Variants in ZFHX3 observed in about 807,000 individuals in gnomAD.
ZFHX3 encodes the protein zinc finger homeobox 3, also known as zinc finger homeobox protein 3.
A neutral mutation model predicts 279.1 loss-of-function variants in ZFHX3; 42 were observed. The observed-to-expected ratio is 0.15, with a 90% CI of 0.12 to 0.19. The LOEUF (loss-of-function observed/expected upper bound fraction) is 0.19. ZFHX3 is among the 10% of genes least tolerant of loss of function. The probability of loss-of-function intolerance (pLI) is 1.00; values close to 1 mark genes in which losing one functional copy is unlikely to be tolerated. For synonymous variants in ZFHX3, 2,293 were observed against 1,957.8 expected (o/e 1.17, Z -4.52); for missense variants, 4,981 against 4,754.0 (o/e 1.05, Z -1.40).
At chr16:73,764,534 T>C (rs1415987221) in intron 1 of ZFHX3, among the ~76,000 whole-genome samples, 1 of 152,152 alleles carries the variant, frequency 6.6e-6, no homozygotes, top group Non-Finnish European at 1.5e-5. Context: ...TCAGCGGCTC[T>C]GTAAACTGAT....
intron 2 of ZFHX3, among the ~76,000 whole-genome samples, chr16:73,581,576 T>A (rs181169337): frequency 6.6e-6 from 1 of 151,646 alleles, no homozygotes; most frequent in Non-Finnish European, 1.5e-5. Flanking sequence ...TAAATAGTTA[T>A]TAATTCTATT....
At chr16:73,313,285 T>C (rs2015370255) in intron 4 of ZFHX3, among the ~76,000 whole-genome samples, 1 of 152,216 alleles carries the variant, frequency 6.6e-6, no homozygotes, top group Non-Finnish European at 1.5e-5. Flanking sequence ...TAAACCTTTT[T>C]TTCCTTATAA....
intron 2 of ZFHX3, among the ~76,000 whole-genome samples, chr16:73,665,538 G>C (rs1468101563): frequency 6.6e-6 from 1 of 151,744 alleles, no homozygotes; most frequent in Non-Finnish European, 1.5e-5. Flanking sequence ...TTAAGAAGAG[G>C]ATGCTGAGAC....
At position 72,978,199 on chromosome 16, in the gene ZFHX3, G is replaced by C. The variant is rs934185768; in HGVS notation, c.-49-18005C>G. The stretch of plus-strand genomic sequence containing the variant: ...TTTTCTTTCTAAGGAACTCTTTCCC[G>C]AGCATTCACGACCCAGCCCTTTCTG... On this transcript the variant is annotated intron_variant, in intron 1 of 9. Transcript: ENST00000268489. 4.6e-5 allele frequency among the ~76,000 whole-genome samples: 7 copies of C among 152,228 alleles called. No individual in the cohort carries two copies. The South Asian group carries it at 1.5e-3, about 32-fold the overall frequency.
rs145114200 is a variant in ZFHX3 at position 73,077,307 on chromosome 16, A to G, written c.-533+15928T>C. Reference sequence around the variant, plus strand: ...GACAGGACTTGTTCTGTCAAGTGATATAAGTTCCCAACACTGCATTCACTA... The same window carrying G: ...GACAGGACTTGTTCTGTCAAGTGATGTAAGTTCCCAACACTGCATTCACTA... On this transcript the variant is annotated intron_variant, in intron 8 of 17. Coordinates refer to the ZFHX3 transcript ENST00000641206. Among the ~76,000 whole-genome samples, 17 of 152,342 alleles carry G rather than the reference A, an allele frequency of 1.1e-4. 1 individual carries two copies. The East Asian group carries it at 1.7e-3, about 16-fold the overall frequency.
chr16:73,002,923 C>A (rs1047900418), intron 1 of ZFHX3, among the ~76,000 whole-genome samples: 3 of 152,146 alleles, frequency 2.0e-5, no homozygotes, highest in Admixed American at 1.3e-4. Context: ...TTAAAAGTAG[C>A]CTGTACTTCT....
At chr16:73,478,692 G>A (rs2018812147) in intron 2 of ZFHX3, among the ~76,000 whole-genome samples, 1 of 152,144 alleles carries the variant, frequency 6.6e-6, no homozygotes. Flanking sequence ...GCAAATATCT[G>A]ATAGGGTGTC....
intron 1 of ZFHX3, among the ~76,000 whole-genome samples, chr16:73,840,224 G>A (rs762315803): frequency 3.9e-5 from 6 of 152,132 alleles, no homozygotes; most frequent in Non-Finnish European, 5.9e-5. Context: ...AAGATGGGGA[G>A]AAAGGAAAAC....
intron 1 of ZFHX3, among the ~76,000 whole-genome samples, chr16:73,778,739 G>T (rs2142300664): frequency 6.6e-6 from 1 of 152,298 alleles, no homozygotes; most frequent in South Asian, 2.1e-4. Context: ...AGTTTCTTCT[G>T]ATGAAAATAC....
intron 1 of ZFHX3, among the ~76,000 whole-genome samples, chr16:72,962,717 C>G (rs1486129878): frequency 6.6e-6 from 1 of 152,126 alleles, no homozygotes; most frequent in African/African-American, 2.4e-5. Flanking sequence ...TCCTCAGGGA[C>G]CATGCATTAA....
In ZFHX3 at chr16:73,285,471, T is replaced by C. The variant is rs2014572892; in HGVS notation, c.-1193-28335A>G. Among the ~76,000 whole-genome samples the C allele has an allele frequency of 2.0e-5, 3 of 152,180 alleles. No individual in the cohort carries two copies. In the South Asian group the frequency reaches 6.2e-4, roughly 31 times the overall value. ...CAAAATTCATACTCTGGGTTGACAT[T>C]TAGCCCTTAACACACCATGACAGCA... On this transcript the variant is annotated intron_variant, in intron 4 of 17. Coordinates refer to the ZFHX3 transcript ENST00000641206.
chr16:73,621,392 T>G (rs1273973089), intron 2 of ZFHX3, among the ~76,000 whole-genome samples: 2 of 152,204 alleles, frequency 1.3e-5, no homozygotes, highest in Non-Finnish European at 2.9e-5. Context: ...CATATGGTCT[T>G]TCCCTCCAGC....
intron 1 of ZFHX3, among the ~76,000 whole-genome samples, chr16:73,818,633 C>A (rs898389808): frequency 2.6e-5 from 4 of 152,172 alleles, no homozygotes; most frequent in African/African-American, 7.2e-5. Flanking sequence ...AAGGATTTAT[C>A]TGGGGTCCCT....
Position 73,027,658 on chromosome 16 carries a change from C to T in ZFHX3, c.-50+20094G>A, listed in dbSNP as rs140158804. Among the ~76,000 whole-genome samples, 110 of 152,230 alleles carry T rather than the reference C, an allele frequency of 7.2e-4. 1 individual carries two copies. In the Middle Eastern group the frequency reaches 0.01, roughly 14 times the overall value. On this transcript the variant is annotated intron_variant, in intron 1 of 9. Coordinates refer to ENST00000268489, the MANE Select transcript of ZFHX3 (RefSeq NM_006885.4). The stretch of plus-strand genomic sequence containing the variant: ...AGGGAAAATGACACCCTCTATCCTC[C>T]CCACTGCCCCCACCACCAAGAAGGA...
At chr16:73,338,213 C>A (rs989654137) in intron 3 of ZFHX3, among the ~76,000 whole-genome samples, 4 of 152,140 alleles carry the variant, frequency 2.6e-5, no homozygotes, top group African/African-American at 9.7e-5. Flanking sequence ...CTCAGCCCTG[C>A]CTAGCAATCC....
At chr16:73,507,162 G>A (rs532739238) in intron 2 of ZFHX3, among the ~76,000 whole-genome samples, 1 of 152,238 alleles carries the variant, frequency 6.6e-6, no homozygotes, top group South Asian at 2.1e-4. Flanking sequence ...CCTTTAGATA[G>A]GCACACTCTG....
intron 3 of ZFHX3, among the ~76,000 whole-genome samples, chr16:72,949,879 T>C (rs184144070): frequency 6.7e-6 from 1 of 150,144 alleles, no homozygotes; most frequent in Admixed American, 6.6e-5. Flanking sequence ...GCTAAAAGAA[T>C]GGAAGCTCTA....
chr16:73,865,070 C>T (rs1961976617), intron 1 of ZFHX3, among the ~76,000 whole-genome samples: 1 of 152,174 alleles, frequency 6.6e-6, no homozygotes, highest in Admixed American at 6.5e-5. Flanking sequence ...TCTTTATGCA[C>T]AAGAGATGAC....
chr16:73,527,992 T>C (rs2019724037), intron 2 of ZFHX3, among the ~76,000 whole-genome samples: 1 of 152,228 alleles, frequency 6.6e-6, no homozygotes. Flanking sequence ...GAGTAATTTG[T>C]TATGTATCAA....
Sources: allele counts gnomAD v4.1 joint callset (sites outside exome capture counted in the v4.1 genomes callset), GRCh38; gene constraint gnomAD v4.1.1; transcripts MANE v1.5; gene names NCBI Gene and HGNC (gene_info 2026-07-23, HGNC 2026-07-21).